The following RAPGEF4 variants were observed in gnomAD, a reference collection of about 807,000 sequenced individuals.
The protein encoded by RAPGEF4 is RAP guanine-nucleotide-exchange factor (GEF) 4.
RAPGEF4 carries 66 observed loss-of-function variants against 147.9 expected under a neutral mutation model. The observed-to-expected ratio is 0.45, with a 90% CI of 0.37 to 0.55. The LOEUF (loss-of-function observed/expected upper bound fraction) is 0.55, where lower values mean the gene tolerates loss of function less well. Ranked by LOEUF, RAPGEF4 falls within the 20% of genes least tolerant of loss-of-function variation. The pLI is 0.00. For synonymous variants in RAPGEF4, 419 were observed against 442.7 expected, an observed-to-expected ratio of 0.95 and a Z score of 0.67; for missense variants, 1,071 against 1,257.3, an observed-to-expected ratio of 0.85 and a Z score of 2.24.
intron 17 of RAPGEF4, among the ~76,000 whole-genome samples, chr2:173,011,165 C>CGT (rs1487472821): frequency 8.2e-5 from 7 of 85,770 alleles, no homozygotes; most frequent in East Asian, 2.7e-4. Flanking sequence ...CTTCAGCGCG[C>CGT]GCGCGCACAC....
chr2:172,966,754 A>C (rs1689881906), intron 9 of RAPGEF4, among the ~76,000 whole-genome samples: 1 of 152,244 alleles, frequency 6.6e-6, no homozygotes, highest in Non-Finnish European at 1.5e-5. Flanking sequence ...AGCTTTGTTC[A>C]AACAACTAAT....
chr2:172,919,164 CT>C (rs1225552718), intron 5 of RAPGEF4, among the ~76,000 whole-genome samples: 1 of 152,132 alleles, frequency 6.6e-6, no homozygotes, highest in Non-Finnish European at 1.5e-5. Context: ...ATGCTGTCTT[CT>C]AGCTGACATC....
At chr2:172,857,235 C>T (rs1575055677) in intron 4 of RAPGEF4, among the ~76,000 whole-genome samples, 1 of 152,076 alleles carries the variant, frequency 6.6e-6, no homozygotes, top group East Asian at 1.9e-4. Flanking sequence ...CAAGGTCATA[C>T]AGCTGGTAAG....
intron 4 of RAPGEF4, among the ~76,000 whole-genome samples, chr2:172,874,423 G>A (rs973419750): frequency 2.6e-5 from 4 of 151,744 alleles, no homozygotes; most frequent in Admixed American, 2.0e-4. Context: ...AACAGGCCCC[G>A]GTGTGTAATG....
intron 4 of RAPGEF4, among the ~76,000 whole-genome samples, chr2:172,891,489 A>G (rs540919374): frequency 8.9e-4 from 135 of 152,282 alleles, no homozygotes; most frequent in African/African-American, 3.1e-3. Flanking sequence ...CTGTCATGAC[A>G]TCTGTTTATC....
intron 4 of RAPGEF4, among the ~76,000 whole-genome samples, chr2:172,897,655 G>T (rs1698626572): frequency 6.6e-6 from 1 of 151,848 alleles, no homozygotes. Flanking sequence ...TCTCACCTCA[G>T]CCTCCCAAAG....
At chr2:173,049,026 T>C (rs1685855394) in intron 30 of RAPGEF4, among the ~76,000 whole-genome samples, 1 of 152,160 alleles carries the variant, frequency 6.6e-6, no homozygotes, top group African/African-American at 2.4e-5. Flanking sequence ...ACATCAGCCC[T>C]TGATGACTCA....
At chr2:172,851,952 A>G (rs1422720871) in intron 4 of RAPGEF4, among the ~76,000 whole-genome samples, 1 of 152,236 alleles carries the variant, frequency 6.6e-6, no homozygotes, top group Non-Finnish European at 1.5e-5. Context: ...CCCTGAAACT[A>G]AAATAAAAGT....
At chr2:172,796,689 A>G (rs1206589615) in intron 2 of RAPGEF4, among the ~76,000 whole-genome samples, 1 of 152,094 alleles carries the variant, frequency 6.6e-6, no homozygotes, top group Non-Finnish European at 1.5e-5. Context: ...GTCATCATTA[A>G]TTATGGTTCC....
At chr2:172,817,745 C>G (rs1688644660) in intron 4 of RAPGEF4, among the ~76,000 whole-genome samples, 1 of 151,618 alleles carries the variant, frequency 6.6e-6, no homozygotes, top group Non-Finnish European at 1.5e-5. Flanking sequence ...GGGTATCTAC[C>G]CAGATGAAAA....
chr2:173,041,259 T>A (rs1345090769), intron 29 of RAPGEF4, among the ~76,000 whole-genome samples: 1 of 152,100 alleles, frequency 6.6e-6, no homozygotes, highest in Non-Finnish European at 1.5e-5. Context: ...CCTCAATCTA[T>A]GGAAAAAAAG....
chr2:173,019,704 G>C (rs1195100802), intron 22 of RAPGEF4, among the ~76,000 whole-genome samples: 2 of 152,120 alleles, frequency 1.3e-5, no homozygotes, highest in African/African-American at 4.8e-5. Context: ...GTTGCACAAG[G>C]CCCAGGATGT....
At chr2:172,758,756 A>G (rs1687167006) in intron 1 of RAPGEF4, among the ~76,000 whole-genome samples, 1 of 152,190 alleles carries the variant, frequency 6.6e-6, no homozygotes, top group Non-Finnish European at 1.5e-5. Flanking sequence ...GGGGAGTTCA[A>G]TTTTGGACAT....
intron 4 of RAPGEF4, among the ~76,000 whole-genome samples, chr2:172,830,385 A>G (rs1216463344): frequency 6.6e-6 from 1 of 152,244 alleles, no homozygotes; most frequent in African/African-American, 2.4e-5. Context: ...CCTTTTAAAT[A>G]GCTGACATCA....
intron 3 of RAPGEF4, among the ~76,000 whole-genome samples, chr2:172,804,470 C>T (rs1054669866): frequency 6.6e-6 from 1 of 152,152 alleles, no homozygotes; most frequent in African/African-American, 2.4e-5. Flanking sequence ...TTGGTTTGAG[C>T]CTACCCTGTT....
chr2:172,820,004 A>G (rs1463130596), intron 4 of RAPGEF4, among the ~76,000 whole-genome samples: 1 of 152,212 alleles, frequency 6.6e-6, no homozygotes, highest in East Asian at 1.9e-4. Context: ...CTCAGCACAG[A>G]TAGTATAAGA....
At chr2:172,910,176 A>G (rs1465526960) in intron 4 of RAPGEF4, among the ~76,000 whole-genome samples, 1 of 152,206 alleles carries the variant, frequency 6.6e-6, no homozygotes, top group Non-Finnish European at 1.5e-5. Context: ...GCTCTCATCT[A>G]TTTTAGGCCA....
At chr2:172,835,370 T>TA (rs1422616206) in intron 4 of RAPGEF4, among the ~76,000 whole-genome samples, 2 of 152,252 alleles carry the variant, frequency 1.3e-5, no homozygotes, top group African/African-American at 4.8e-5. Context: ...ACATTATTTC[T>TA]AAACTGTTGA....
chr2:173,021,373 C>T (rs922513009), intron 23 of RAPGEF4, among the ~76,000 whole-genome samples: 1 of 152,194 alleles, frequency 6.6e-6, no homozygotes, highest in Admixed American at 6.5e-5. Flanking sequence ...AGGGCCAATT[C>T]AGAGGGTAGA....
Sources: gnomAD v4.1 joint callset for allele counts (sites outside exome capture counted in the v4.1 genomes callset) on GRCh38, gnomAD v4.1.1 for gene constraint, MANE v1.5 for transcripts, NCBI Gene and HGNC (gene_info 2026-07-23, HGNC 2026-07-21) for gene names.